CHN1: variants seen among roughly 807,000 people sequenced by gnomAD.
CHN1 encodes the protein chimerin 1, also known as N-chimaerin.
In CHN1, 37 loss-of-function variants were observed where a neutral mutation model predicts 59.5. The ratio of observed to expected loss-of-function variants is 0.62; its 90% CI spans 0.48 to 0.82. The LOEUF (loss-of-function observed/expected upper bound fraction) is 0.82. CHN1 is among the 40% of genes least tolerant of loss of function. The pLI, the probability that CHN1 is intolerant of heterozygous loss-of-function variation, is 0.00. For synonymous variants in CHN1, 206 were observed against 200.4 expected (o/e 1.03, Z -0.24); for missense variants, 469 against 571.0 (o/e 0.82, Z 1.82).
At chr2:174,927,718 G>A (rs1374593715) in intron 3 of CHN1, among the ~76,000 whole-genome samples, 3 of 152,156 alleles carry the variant, frequency 2.0e-5, no homozygotes, top group South Asian at 2.1e-4. Context: ...AATGTTTAAC[G>A]TTGTTCTTGC....
At chr2:174,927,257 C>A (rs1403173248) in intron 3 of CHN1, among the ~76,000 whole-genome samples, 1 of 152,114 alleles carries the variant, frequency 6.6e-6, no homozygotes, top group Non-Finnish European at 1.5e-5. Flanking sequence ...AGGATTTTGC[C>A]ACATTGCCTA....
intron 7 of CHN1, among the ~76,000 whole-genome samples, chr2:174,828,026 C>T (rs1685749168): frequency 1.3e-5 from 2 of 152,098 alleles, no homozygotes; most frequent in Non-Finnish European, 2.9e-5. Context: ...GCTCTGAATA[C>T]AAGGAAAATC....
intron 1 of CHN1, among the ~76,000 whole-genome samples, chr2:174,979,679 G>A (rs1038254277): frequency 4.6e-5 from 7 of 152,016 alleles, no homozygotes; most frequent in African/African-American, 1.2e-4. Flanking sequence ...TCAAGAGATC[G>A]AGACCATCCT....
At chr2:174,978,631 T>A (rs892013484) in intron 1 of CHN1, among the ~76,000 whole-genome samples, 1 of 152,216 alleles carries the variant, frequency 6.6e-6, no homozygotes, top group Non-Finnish European at 1.5e-5. Context: ...AGGCTCCAAA[T>A]GCATCTCTAA....
chr2:174,845,863 G>A (rs1371616715), intron 7 of CHN1, among the ~76,000 whole-genome samples: 1 of 151,814 alleles, frequency 6.6e-6, no homozygotes, highest in East Asian at 1.9e-4. Flanking sequence ...AATGTGGAAT[G>A]AAATTATCTA....
chr2:174,860,289 C>T (rs905723644), intron 6 of CHN1, among the ~76,000 whole-genome samples: 1 of 152,116 alleles, frequency 6.6e-6, no homozygotes, highest in Non-Finnish European at 1.5e-5. Context: ...CCATTTCAAT[C>T]TCATGGGTAA....
At chr2:174,964,484 C>T (rs1019929815) in intron 1 of CHN1, among the ~76,000 whole-genome samples, 24 of 152,274 alleles carry the variant, frequency 1.6e-4, no homozygotes, top group African/African-American at 5.8e-4. Flanking sequence ...AGAGAAAAGT[C>T]CTCTTTAACA....
chr2:174,968,191 G>A (rs1219305712), intron 1 of CHN1, among the ~76,000 whole-genome samples: 2 of 152,118 alleles, frequency 1.3e-5, no homozygotes, highest in African/African-American at 4.8e-5. Flanking sequence ...TCACATCACA[G>A]GTAACTGAGA....
intron 5 of CHN1, among the ~76,000 whole-genome samples, chr2:174,894,139 T>A (rs1688138116): frequency 6.7e-6 from 1 of 148,626 alleles, no homozygotes; most frequent in African/African-American, 2.4e-5. Flanking sequence ...AAAAAACTTC[T>A]GCACAATGAA....
At chr2:174,985,929 T>C (rs1404800176) in intron 1 of CHN1, among the ~76,000 whole-genome samples, 4 of 152,242 alleles carry the variant, frequency 2.6e-5, no homozygotes, top group African/African-American at 9.6e-5. Flanking sequence ...TATTCATCAG[T>C]ATAATTCCAA....
intron 7 of CHN1, among the ~76,000 whole-genome samples, chr2:174,835,247 G>A (rs2600695): frequency 0.015 from 2,220 of 152,208 alleles, 52 homozygotes; most frequent in African/African-American, 0.05. Context: ...AGGGGCCTTC[G>A]GTATCACTTT....
rs1574117464 is a variant in CHN1, at chr2:174,877,842, T to G, written c.547A>C (p.Arg183=). The stretch of plus-strand genomic sequence containing the variant: ...AGTGTGGTTTCATAGTAGCTTACCC[T>G]TTTCTCTGACACCCCATCCTGGCCT... ...STGQDGVSEK[R]LTSLVRRATL... Residue 183 remains arginine, a splice_region_variant and synonymous_variant, in exon 6 of 13, where the codon AGG becomes CGG. Coordinates refer to ENST00000409900, the MANE Select transcript of CHN1 (RefSeq NM_001822.7). 2.5e-6 allele frequency: 4 copies of G among 1,610,254 alleles called. No homozygotes were observed. The African/African-American group carries it at 4.0e-5, about 16-fold the overall frequency.
intron 1 of CHN1, among the ~76,000 whole-genome samples, chr2:174,991,357 T>C (rs1024503534): frequency 1.3e-5 from 2 of 152,192 alleles, no homozygotes; most frequent in Non-Finnish European, 2.9e-5. Context: ...AAGGTTTCTG[T>C]TTCCAGTTGA....
At chr2:174,849,901 C>T (rs561005345) in intron 6 of CHN1, among the ~76,000 whole-genome samples, 116 of 152,292 alleles carry the variant, frequency 7.6e-4, no homozygotes, top group Non-Finnish European at 1.4e-3. Context: ...GAGAGGAAAC[C>T]ATGGAGTCTT....
chr2:174,811,767 A>G (rs1039668880), intron 9 of CHN1, among the ~76,000 whole-genome samples, 179 bp from the exon 10 acceptor site: 3 of 152,168 alleles, frequency 2.0e-5, no homozygotes, highest in African/African-American at 4.8e-5. Flanking sequence ...ACTCTTACCT[A>G]TTGTCACCTG....
intron 1 of CHN1, among the ~76,000 whole-genome samples, chr2:174,962,365 T>C (rs1216483502): frequency 6.6e-6 from 1 of 151,676 alleles, no homozygotes; most frequent in East Asian, 1.9e-4. Context: ...AGAGAGAAAA[T>C]TGTGTGTTCT....
chr2:174,800,367 G>A (rs1199762304), intron 12 of CHN1, 80 bp from the exon 13 acceptor site: 1 of 1,112,772 alleles, frequency 9.0e-7, no homozygotes, highest in Admixed American at 2.9e-5. Flanking sequence ...AAAACAACAA[G>A]ATTCACAATA....
At chr2:174,906,421 G>T (rs990299748) in intron 5 of CHN1, among the ~76,000 whole-genome samples, 5 of 152,160 alleles carry the variant, frequency 3.3e-5, no homozygotes, top group Non-Finnish European at 7.4e-5. Flanking sequence ...GACAAAAGTA[G>T]ATTAGTGGTT....
At chr2:174,840,849 G>A (rs1686275715) in intron 7 of CHN1, among the ~76,000 whole-genome samples, 2 of 152,142 alleles carry the variant, frequency 1.3e-5, no homozygotes, top group Admixed American at 1.3e-4. Flanking sequence ...AGAAAGGAAT[G>A]AGGAAGACAA....
Sources: allele counts gnomAD v4.1 joint callset (sites outside exome capture counted in the v4.1 genomes callset), GRCh38; gene constraint gnomAD v4.1.1; transcripts MANE v1.5; gene names NCBI Gene and HGNC (gene_info 2026-07-23, HGNC 2026-07-21).